The following DAB1 variants were observed in gnomAD, a reference collection of about 807,000 sequenced individuals.
The protein encoded by DAB1 is disabled homolog 1.
A neutral mutation model predicts 64.6 loss-of-function variants in DAB1; 15 were observed. That is an observed-to-expected ratio of 0.23 (90% confidence interval 0.16 to 0.36). DAB1 has a LOEUF of 0.36. DAB1 is among the 10% of genes least tolerant of loss of function. The probability of loss-of-function intolerance (pLI) is 1.00; values close to 1 mark genes in which losing one functional copy is unlikely to be tolerated. For missense variants in DAB1, 596 were observed against 706.7 expected (o/e 0.84, Z 1.78); for synonymous variants, 235 against 251.9 (o/e 0.93, Z 0.64).
At chr1:57,497,670 G>C (rs1644245743) in intron 7 of DAB1, among the ~76,000 whole-genome samples, 1 of 152,190 alleles carries the variant, frequency 6.6e-6, no homozygotes. Context: ...AAGAGTAGAA[G>C]ATGAATGTCT....
At chr1:57,496,037 G>C (rs1457458444) in intron 7 of DAB1, among the ~76,000 whole-genome samples, 2 of 152,214 alleles carry the variant, frequency 1.3e-5, no homozygotes, top group Non-Finnish European at 2.9e-5. Context: ...ATTGATTACT[G>C]TTCCATGATG....
intron 4 of DAB1, among the ~76,000 whole-genome samples, chr1:58,325,316 T>A (rs1037192960): frequency 6.6e-6 from 1 of 152,248 alleles, no homozygotes. Flanking sequence ...TATTTCTTTG[T>A]AATTATTTTT....
At chr1:57,346,574 A>G (rs527355375) in intron 1 of DAB1, among the ~76,000 whole-genome samples, 77 of 152,230 alleles carry the variant, frequency 5.1e-4, no homozygotes, top group African/African-American at 1.8e-3. Flanking sequence ...TTTCCTTTAC[A>G]TCCTTTATTT....
intron 3 of DAB1, among the ~76,000 whole-genome samples, chr1:58,420,369 CAA>C (rs1016124706): frequency 5.3e-5 from 8 of 152,178 alleles, no homozygotes; most frequent in African/African-American, 1.9e-4. Flanking sequence ...AACCCAGACC[CAA>C]GTCATGGGTA....
intron 1 of DAB1, among the ~76,000 whole-genome samples, chr1:57,391,604 T>A (rs903144876): frequency 1.3e-5 from 2 of 152,156 alleles, no homozygotes; most frequent in East Asian, 1.9e-4. Flanking sequence ...ATCTACTACA[T>A]GCAGATATAT....
intron 4 of DAB1, among the ~76,000 whole-genome samples, chr1:58,215,619 T>A (rs1658812347): frequency 6.6e-6 from 1 of 152,174 alleles, no homozygotes; most frequent in Non-Finnish European, 1.5e-5. Flanking sequence ...TTCAAGTGAT[T>A]CACTTATAAG....
intron 12 of DAB1, among the ~76,000 whole-genome samples, chr1:57,012,595 G>A (rs550309536): frequency 6.6e-6 from 1 of 152,226 alleles, no homozygotes; most frequent in Non-Finnish European, 1.5e-5. Context: ...ATGGGTCAGA[G>A]GATATAAAGA....
chr1:57,791,362 T>C (rs557492294), intron 6 of DAB1, among the ~76,000 whole-genome samples: 1 of 152,270 alleles, frequency 6.6e-6, no homozygotes, highest in South Asian at 2.1e-4. Context: ...CCATTCCTAC[T>C]TCTACTTTTA....
Position 57,669,805 on chromosome 1 carries a change from A to G in DAB1, n.552-20140T>C, listed in dbSNP as rs531279617. ...TACCACATTATTTAAGCATAACATG[A>G]CATGGAAATATATTTAATAGGATTT... On this transcript the variant is annotated intron_variant and non_coding_transcript_variant, in intron 6 of 20. Transcript: ENST00000485760. Among the ~76,000 whole-genome samples, 4 of 152,282 alleles carry G rather than the reference A, an allele frequency of 2.6e-5. No individual in the cohort carries two copies. In the South Asian group the frequency reaches 8.3e-4, roughly 32 times the overall value.
intron 7 of DAB1, among the ~76,000 whole-genome samples, chr1:57,443,227 T>C (rs1200279095): frequency 6.6e-6 from 1 of 152,198 alleles, no homozygotes; most frequent in Non-Finnish European, 1.5e-5. Context: ...GACTCTGTAG[T>C]TCCTGGTTGT....
At chr1:57,296,021 T>C (rs1673167627) in intron 1 of DAB1, among the ~76,000 whole-genome samples, 1 of 152,132 alleles carries the variant, frequency 6.6e-6, no homozygotes, top group African/African-American at 2.4e-5. Flanking sequence ...TGGGTAGAGT[T>C]GAAGCAAGAG....
intron 4 of DAB1, among the ~76,000 whole-genome samples, chr1:57,092,375 G>T (rs1653765787): frequency 6.6e-6 from 1 of 152,032 alleles, no homozygotes; most frequent in African/African-American, 2.4e-5. Context: ...TTGAGGGAGG[G>T]ACCTGGTAGG....
At chr1:58,452,880 A>G (rs1645154261) in intron 3 of DAB1, among the ~76,000 whole-genome samples, 1 of 151,968 alleles carries the variant, frequency 6.6e-6, no homozygotes, top group South Asian at 2.1e-4. Flanking sequence ...CTAAACCTAC[A>G]CTTGCCATAC....
chr1:57,969,153 T>C (rs1463846526), intron 5 of DAB1, among the ~76,000 whole-genome samples: 1 of 152,166 alleles, frequency 6.6e-6, no homozygotes, highest in African/African-American at 2.4e-5. Flanking sequence ...ATTCCGAATT[T>C]CTCATCCAGT....
intron 1 of DAB1, chr1:58,538,858 G>T (rs139772831): frequency 1.1e-6 from 1 of 871,416 alleles, no homozygotes; most frequent in African/African-American, 1.6e-5. Flanking sequence ...GAGAGGAACC[G>T]GAGCAGCTTG....
chr1:57,511,607 T>C (rs1644406194), intron 7 of DAB1, among the ~76,000 whole-genome samples: 1 of 152,228 alleles, frequency 6.6e-6, no homozygotes, highest in Non-Finnish European at 1.5e-5. Flanking sequence ...TTTTTCTTTC[T>C]AGTTTACTGT....
exon 2 of DAB1, chr1:58,527,276 T>C (rs750388181): frequency 1.1e-6 from 1 of 872,324 alleles, no homozygotes; most frequent in Non-Finnish European, 2.0e-6. Context: ...CAGCAAGCAG[T>C]AGTCCAATTT....
At chr1:57,820,386 A>G (rs966666549) in intron 6 of DAB1, among the ~76,000 whole-genome samples, 4 of 152,224 alleles carry the variant, frequency 2.6e-5, no homozygotes, top group Non-Finnish European at 5.9e-5. Flanking sequence ...AGTTGGGTCC[A>G]AGAAGATTTA....
intron 8 of DAB1, among the ~76,000 whole-genome samples, chr1:57,067,480 C>T (rs1350235144): frequency 6.6e-6 from 1 of 152,176 alleles, no homozygotes; most frequent in Admixed American, 6.5e-5. Context: ...ATTCAAGCCA[C>T]ATGGGGTTGT....
Sources: allele counts gnomAD v4.1 joint callset (sites outside exome capture counted in the v4.1 genomes callset), GRCh38; gene constraint gnomAD v4.1.1; transcripts MANE v1.5; gene names NCBI Gene and HGNC (gene_info 2026-07-23, HGNC 2026-07-21).